Variants in SMG5 observed in about 807,000 individuals in gnomAD.
SMG5 encodes the protein SMG5 nonsense mediated mRNA decay factor.
SMG5 carries 53 observed loss-of-function variants against 122.9 expected under a neutral mutation model. That is an observed-to-expected ratio of 0.43 (90% CI 0.35 to 0.54). The LOEUF is 0.54. SMG5 is among the 20% of genes least tolerant of loss of function. The probability of loss-of-function intolerance (pLI) is 0.01; values close to 1 mark genes in which losing one functional copy is unlikely to be tolerated. For missense variants in SMG5, 1,153 were observed against 1,285.6 expected (o/e 0.90, Z 1.58); for synonymous variants, 477 against 490.2 (o/e 0.97, Z 0.35).
the SMG5 span, among the ~76,000 whole-genome samples, chr1:156,288,852 T>A: frequency 6.6e-6 from 1 of 152,230 alleles, no homozygotes; most frequent in Non-Finnish European, 1.5e-5. Flanking sequence ...CCTGCCATCT[T>A]AAACTCCTGG....
At chr1:156,280,625 C>T (rs1662893383) in intron 1 of SMG5, among the ~76,000 whole-genome samples, 2 of 152,190 alleles carry the variant, frequency 1.3e-5, no homozygotes, top group South Asian at 4.1e-4. Context: ...ATGGAAAGAG[C>T]TAATGGGAGT....
At chr1:156,264,509 G>A (rs1662025258) in intron 12 of SMG5, among the ~76,000 whole-genome samples, 1 of 152,124 alleles carries the variant, frequency 6.6e-6, no homozygotes, top group Non-Finnish European at 1.5e-5. Flanking sequence ...CTCTAACTGG[G>A]GAGACAGACA....
intron 7 of SMG5, among the ~76,000 whole-genome samples, chr1:156,271,856 G>A (rs553673502): frequency 6.6e-6 from 1 of 152,208 alleles, no homozygotes; most frequent in Admixed American, 6.5e-5. Flanking sequence ...GCCTCCCAAA[G>A]TGCTAGGATT....
chr1:156,266,721 TGAG>T (rs1248346777), intron 10 of SMG5, 43 bp from the exon 11 acceptor site: 3 of 1,611,162 alleles, frequency 1.9e-6, no homozygotes, highest in Non-Finnish European at 2.5e-6. Flanking sequence ...AGGGCCCTGA[TGAG>T]GAGTAGGCAC....
intron 10 of SMG5, 120 bp from the exon 11 acceptor site, chr1:156,266,798 ATTCTT>A: frequency 1.9e-6 from 2 of 1,036,694 alleles, no homozygotes; most frequent in South Asian, 2.0e-5. Flanking sequence ...CTTATCAAAG[ATTCTT>A]TTTTTTTTTT....
Position 156,253,089 on chromosome 1 carries a change from A to G in SMG5, c.2503-11T>C. 6.3e-7 allele frequency: 1 copy of G among 1,591,166 alleles called. No individual in the cohort carries two copies. Among genetic ancestry groups the G allele is most frequent in the South Asian group, 1.1e-5 (1 of 87,972 alleles). ...CTGAGACACTTCGAGCTGGTGAGAGAGGGCAAGGTGGGTACAGCTGTGGGG... is the reference window on the plus strand; with the variant it reads ...CTGAGACACTTCGAGCTGGTGAGAGGGGGCAAGGTGGGTACAGCTGTGGGG... On this transcript the variant is annotated splice_polypyrimidine_tract_variant and intron_variant, in intron 17 of 21. Transcript: ENST00000361813.
chr1:156,285,298 G>T (rs767808468), upstream of SMG5: 27 of 1,577,862 alleles, frequency 1.7e-5, no homozygotes, highest in Middle Eastern at 1.7e-4. Context: ...GCTCACCCCA[G>T]GCCTTGGTTC....
intron 7 of SMG5, among the ~76,000 whole-genome samples, chr1:156,268,972 T>C (rs1572589330): frequency 7.3e-6 from 1 of 136,342 alleles, no homozygotes; most frequent in African/African-American, 2.7e-5. Flanking sequence ...CCAATCCAAC[T>C]CTTTTTTTTT....
intron 21 of SMG5, 32 bp from the exon 22 acceptor site, chr1:156,250,702 G>A (rs1342852644): frequency 1.2e-6 from 2 of 1,610,216 alleles, no homozygotes; most frequent in Non-Finnish European, 1.7e-6. Context: ...GATGGAGAGG[G>A]TCTGACCTCC....
At chr1:156,258,924 A>G in intron 16 of SMG5, 81 bp downstream of exon 16, 1 of 1,544,832 alleles carries the variant, frequency 6.5e-7, no homozygotes, top group Non-Finnish European at 8.8e-7. Context: ...GGAGACCACC[A>G]GAGGGTCTGA....
In SMG5 at chr1:156,282,611, A is replaced by G. The variant is rs938915001; in HGVS notation, c.70T>C (p.Tyr24His). Residue 24 changes from tyrosine to histidine, a missense_variant, in exon 1 of 22, where the codon TAC (tyrosine) becomes CAC (histidine). Physicochemically the swap from Tyr to His is moderately conservative, Grantham distance 83. Around this residue, in one of 5 missense-constraint regions of SMG5, gnomAD observed 213 missense variants for 197.5 expected, o/e 1.08. Coordinates refer to ENST00000361813, the MANE Select transcript of SMG5 (RefSeq NM_015327.3). ...TCACGCCCTGGCCCCTCTCACCGGTAAAGCCGCTTAGTGTGGAGGACTTTT... is the reference window on the plus strand; with the variant it reads ...TCACGCCCTGGCCCCTCTCACCGGTGAAGCCGCTTAGTGTGGAGGACTTTT... ...EAKVLHTKRL[Y>H]RAVVEAVHRL... The G allele has an allele frequency of 6.2e-7, 1 of 1,608,172 alleles. No homozygotes were observed. Among genetic ancestry groups the G allele is most frequent in the East Asian group, 2.2e-5 (1 of 44,838 alleles).
rs1199706565 is a variant in SMG5, at chr1:156,250,141, G to C, written c.*446C>G. 2.8e-6 allele frequency: 1 copy of C among 357,384 alleles called. No individual in the cohort carries two copies. Among genetic ancestry groups the C allele is most frequent in the Non-Finnish European group, 5.6e-6 (1 of 178,978 alleles). The allele number at this position is 357,384 out of a possible 1,614,324, so 22.1% of individuals were successfully genotyped here. Reference sequence around the variant, plus strand: ...CTGCAGAGAATCACTCAGACACCAGGTATTACCCAGCTCTTCCCCCAAGAC... The same window carrying C: ...CTGCAGAGAATCACTCAGACACCAGCTATTACCCAGCTCTTCCCCCAAGAC... On this transcript the variant is annotated 3_prime_UTR_variant, in exon 22 of 22. Coordinates refer to ENST00000361813, the MANE Select transcript of SMG5 (RefSeq NM_015327.3).
chr1:156,273,695 C>T (rs1662542838), intron 5 of SMG5, among the ~76,000 whole-genome samples: 1 of 149,376 alleles, frequency 6.7e-6, no homozygotes, highest in Non-Finnish European at 1.5e-5. Flanking sequence ...AGTAAATAAG[C>T]TCTTCTTTTT....
At chr1:156,265,585 T>C (rs996969283) in intron 12 of SMG5, among the ~76,000 whole-genome samples, 196 bp downstream of exon 12, 2 of 151,574 alleles carry the variant, frequency 1.3e-5, no homozygotes, top group African/African-American at 2.4e-5. Context: ...AACAAATGGG[T>C]TGGGAGATGG....
rs532749691 is a variant in SMG5, at chr1:156,260,203, A to C, written c.2283+248T>G. ...TCTGCCCTTTACAGAAGGCAGAGAA[A>C]GGAAGGGGGTGGTTGTTCTACAATA... On this transcript the variant is annotated intron_variant, in intron 15 of 21. Coordinates refer to ENST00000361813, the MANE Select transcript of SMG5 (RefSeq NM_015327.3). Among the ~76,000 whole-genome samples the C allele has an allele frequency of 2.7e-4, 41 of 152,340 alleles. No individual in the cohort carries two copies. The South Asian group carries it at 7.9e-3, about 29-fold the overall frequency.
chr1:156,285,574 C>T (rs757396503), upstream of SMG5: 152 of 1,614,132 alleles, frequency 9.4e-5, no homozygotes, highest in Non-Finnish European at 1.3e-4. Flanking sequence ...TGCCCGAAGA[C>T]GATGCCAACC....
intron 12 of SMG5, among the ~76,000 whole-genome samples, chr1:156,264,990 C>A (rs560410089): frequency 6.7e-6 from 1 of 150,302 alleles, no homozygotes; most frequent in East Asian, 2.0e-4. Context: ...CGTGCCACTG[C>A]CCTCCAGCCT....
At chr1:156,279,620 T>C (rs1420475708) in intron 1 of SMG5, among the ~76,000 whole-genome samples, 4 of 152,158 alleles carry the variant, frequency 2.6e-5, no homozygotes, top group Non-Finnish European at 5.9e-5. Context: ...GAAATAATAA[T>C]TTATATATAG....
rs1018820197 is a variant in SMG5, at chr1:156,278,060, A to G, written c.174-12T>C. 3.1e-6 allele frequency: 5 copies of G among 1,613,456 alleles called. No homozygotes were observed. In the African/African-American group the frequency reaches 6.7e-5, roughly 22 times the overall value. On this transcript the variant is annotated splice_polypyrimidine_tract_variant and intron_variant, in intron 2 of 21. Transcript: ENST00000361813. Reference sequence around the variant, plus strand: ...AGAGCTCACGCAGCCTGGAGGGTGTAGAGGAGCATGAGAGAGACAGCCCAT... The same window carrying G: ...AGAGCTCACGCAGCCTGGAGGGTGTGGAGGAGCATGAGAGAGACAGCCCAT...
Sources: allele counts gnomAD v4.1 joint callset (sites outside exome capture counted in the v4.1 genomes callset), GRCh38; gene constraint gnomAD v4.1.1; regional missense constraint gnomAD v4.1.1; transcripts MANE v1.5; gene names NCBI Gene and HGNC (gene_info 2026-07-23, HGNC 2026-07-21).